The following PHF24 variants were observed in gnomAD, a reference collection of about 807,000 sequenced individuals.
The protein encoded by PHF24 is PHD finger protein 24, also known as Galpha inhibitory interacting protein.
Under a neutral mutation model 42.6 loss-of-function variants are expected in PHF24, and 25 were observed. The observed-to-expected ratio is 0.59, with a 90% CI of 0.43 to 0.82. PHF24 has a LOEUF of 0.82. PHF24 is among the 40% of genes least tolerant of loss of function. The pLI, the probability that PHF24 is intolerant of heterozygous loss-of-function variation, is 0.00. For missense variants in PHF24, 470 were observed against 538.1 expected (o/e 0.87, Z 1.25); for synonymous variants, 185 against 204.8 (o/e 0.90, Z 0.83).
the PHF24 span, among the ~76,000 whole-genome samples, chr9:34,719,371 A>C: frequency 2.0e-5 from 3 of 152,144 alleles, no homozygotes; most frequent in African/African-American, 7.2e-5. Context: ...TGTACTCTAC[A>C]TGTGAATTTT....
the PHF24 span, chr9:34,918,151 C>T: frequency 6.6e-7 from 1 of 1,514,166 alleles, no homozygotes; most frequent in Non-Finnish European, 9.2e-7. Context: ...ATATGCATTC[C>T]CTGGACTGTC....
At chr9:34,849,237 A>G in the PHF24 span, among the ~76,000 whole-genome samples, 1 of 152,006 alleles carries the variant, frequency 6.6e-6, no homozygotes, top group Non-Finnish European at 1.5e-5. Flanking sequence ...TGGGAGTCTA[A>G]GTCTCTTTGT....
At chr9:34,819,919 A>G in the PHF24 span, among the ~76,000 whole-genome samples, 1 of 152,086 alleles carries the variant, frequency 6.6e-6, no homozygotes, top group South Asian at 2.1e-4. Context: ...TTAATTGTGG[A>G]TTCATCCTTG....
the PHF24 span, among the ~76,000 whole-genome samples, chr9:34,883,162 T>A: frequency 4.6e-5 from 7 of 152,220 alleles, no homozygotes; most frequent in African/African-American, 1.7e-4. Context: ...GCTAGCCATA[T>A]GTAGAAAGCT....
chr9:34,977,355 T>C (rs1827233319), intron 6 of PHF24, 112 bp downstream of exon 6: 1 of 1,341,090 alleles, frequency 7.5e-7, no homozygotes, highest in Non-Finnish European at 1.0e-6. Context: ...GAGAGGAGCC[T>C]CCTGTGCATT....
chr9:34,741,534 G>A, the PHF24 span, among the ~76,000 whole-genome samples: 1 of 151,780 alleles, frequency 6.6e-6, no homozygotes, highest in Admixed American at 6.6e-5. Context: ...AGCTAATTTT[G>A]TACTTTTAGT....
the PHF24 span, among the ~76,000 whole-genome samples, chr9:34,840,731 A>T: frequency 1.5e-4 from 23 of 152,144 alleles, no homozygotes; most frequent in Non-Finnish European, 2.8e-4. Flanking sequence ...TCTTGAGCAT[A>T]TCATTTTCTT....
At chr9:34,803,662 C>T in the PHF24 span, among the ~76,000 whole-genome samples, 31 of 152,238 alleles carry the variant, frequency 2.0e-4, no homozygotes, top group South Asian at 5.0e-3. Flanking sequence ...CCTTCCTTGA[C>T]GAAAATGTTT....
chr9:34,704,753 T>C, the PHF24 span, among the ~76,000 whole-genome samples: 2 of 152,160 alleles, frequency 1.3e-5, no homozygotes, highest in African/African-American at 2.4e-5. Context: ...GGAGGATTGC[T>C]TGAGCCCAGG....
At chr9:34,959,580 A>G (rs999760543) in intron 1 of PHF24, among the ~76,000 whole-genome samples, 4 of 152,252 alleles carry the variant, frequency 2.6e-5, no homozygotes, top group African/African-American at 9.6e-5. Context: ...GTACAAGCTC[A>G]GTAAATGTGA....
At chr9:34,908,137 G>A in the PHF24 span, among the ~76,000 whole-genome samples, 1 of 152,100 alleles carries the variant, frequency 6.6e-6, no homozygotes, top group African/African-American at 2.4e-5. Context: ...TGCCACACCC[G>A]GCCTCTTCAC....
At position 34,972,912 on chromosome 9, in the gene PHF24, C is replaced by CA. The variant is rs1563934008; in HGVS notation, c.564+381_564+382insA. 4.0e-3 allele frequency among the ~76,000 whole-genome samples: 265 copies of CA among 66,118 alleles called. 2 individuals are homozygous for CA. Among genetic ancestry groups the CA allele is most frequent in the African/African-American group, 0.01 (241 of 23,230 alleles). The allele number at this position is 66,118 out of a possible 152,430, so 43.4% of individuals were successfully genotyped here. Reference sequence around the variant, plus strand: ...CTGGCGACAGAGCGAGACTCTGTCTCGAAAAAAAAAAAAAAAAAAAGATTT... The same window carrying CA: ...CTGGCGACAGAGCGAGACTCTGTCTCAGAAAAAAAAAAAAAAAAAAAGATTT... On this transcript the variant is annotated intron_variant, in intron 3 of 7. Transcript: ENST00000242315.
At chr9:34,849,469 T>C in the PHF24 span, among the ~76,000 whole-genome samples, 2 of 151,958 alleles carry the variant, frequency 1.3e-5, no homozygotes, top group African/African-American at 4.8e-5. Context: ...TCTTCCTCCA[T>C]CCTTTTATTT....
the PHF24 span, among the ~76,000 whole-genome samples, chr9:34,678,638 T>C: frequency 2.0e-5 from 3 of 151,892 alleles, no homozygotes; most frequent in African/African-American, 7.3e-5. Flanking sequence ...TCTTTCTTTT[T>C]CTTTTTTTTT....
At chr9:34,886,944 T>G in the PHF24 span, among the ~76,000 whole-genome samples, 1 of 152,086 alleles carries the variant, frequency 6.6e-6, no homozygotes, top group Non-Finnish European at 1.5e-5. Context: ...CAACATACGT[T>G]ATCTAAGCAA....
At chr9:34,710,056 G>T in the PHF24 span, 1 of 1,613,672 alleles carries the variant, frequency 6.2e-7, no homozygotes, top group South Asian at 1.1e-5. Flanking sequence ...CAGAGCCAGT[G>T]ACTGAGCCAT....
the PHF24 span, among the ~76,000 whole-genome samples, chr9:34,836,914 G>A: frequency 4.0e-3 from 611 of 152,226 alleles, no homozygotes; most frequent in Non-Finnish European, 5.2e-3. Flanking sequence ...AGATAATTAT[G>A]CCTTTGCAAC....
chr9:34,930,647 T>C, the PHF24 span, among the ~76,000 whole-genome samples: 1 of 128,410 alleles, frequency 7.8e-6, no homozygotes, highest in Non-Finnish European at 1.7e-5. Flanking sequence ...TCTTATGGAA[T>C]CTTGCCATTA....
chr9:34,789,664 G>C, the PHF24 span, among the ~76,000 whole-genome samples: 1 of 152,326 alleles, frequency 6.6e-6, no homozygotes, highest in African/African-American at 2.4e-5. Context: ...GTTATTGCAT[G>C]CTGGGTTTCT....
Sources: gnomAD v4.1 joint callset for allele counts (sites outside exome capture counted in the v4.1 genomes callset) on GRCh38, gnomAD v4.1.1 for gene constraint, MANE v1.5 for transcripts, NCBI Gene and HGNC (gene_info 2026-07-23, HGNC 2026-07-21) for gene names.